Variants in WWC2 observed in about 807,000 individuals in gnomAD.
WWC2 encodes WW and C2 domain containing 2, also known as protein WWC2.
Under a neutral mutation model 138.5 loss-of-function variants are expected in WWC2, and 101 were observed. The observed-to-expected ratio is 0.73, with a 90% CI of 0.62 to 0.86. The LOEUF (loss-of-function observed/expected upper bound fraction) is 0.86. WWC2 is among the 40% of genes least tolerant of loss of function. The pLI is 0.00. For synonymous variants in WWC2, 558 were observed against 538.4 expected, an observed-to-expected ratio of 1.04 and a Z score of -0.50; for missense variants, 1,420 against 1,419.4, an observed-to-expected ratio of 1.00 and a Z score of -0.01.
intron 21 of WWC2, among the ~76,000 whole-genome samples, chr4:183,296,074 T>C (rs940073859): frequency 6.6e-6 from 1 of 152,208 alleles, no homozygotes; most frequent in African/African-American, 2.4e-5. Context: ...CTGGCTAACA[T>C]ACCTGACGGG....
intron 1 of WWC2, among the ~76,000 whole-genome samples, chr4:183,115,174 T>G (rs1732373864): frequency 6.6e-6 from 1 of 152,220 alleles, no homozygotes; most frequent in Non-Finnish European, 1.5e-5. Flanking sequence ...GGCCTACAGT[T>G]CCATCCATGT....
intron 1 of WWC2, among the ~76,000 whole-genome samples, chr4:183,115,607 C>G (rs1409944109): frequency 6.6e-6 from 1 of 152,144 alleles, no homozygotes; most frequent in African/African-American, 2.4e-5. Context: ...TTGCATTTCT[C>G]TAATGATCAG....
In WWC2 at chr4:183,316,001, G is replaced by T; in HGVS notation, c.*272G>T. The T allele has an allele frequency of 3.2e-6, 1 of 307,806 alleles. No homozygotes were observed. Among genetic ancestry groups the T allele is most frequent in the East Asian group, 7.3e-5 (1 of 13,628 alleles). The allele number at this position is 307,806 out of a possible 1,614,324, so 19.1% of individuals were successfully genotyped here. On this transcript the variant is annotated 3_prime_UTR_variant, in exon 23 of 23. Transcript: ENST00000403733. ...TGCCCAGTATGTGCGCATTGCCAGT[G>T]GACTTCATTTTGTAAAAATGGAATA...
At position 183,260,857 on chromosome 4, in the gene WWC2, T is replaced by C. The variant is rs1158623352; in HGVS notation, c.1287-53T>C. ...CTGAAGGAGCCAGTAGAGATTGTGA[T>C]TAGGTTTTCCATTTTGTAACAGATT... On this transcript the variant is annotated intron_variant, in intron 10 of 22. Coordinates refer to ENST00000403733, the MANE Select transcript of WWC2 (RefSeq NM_024949.6). 4 of 1,588,544 alleles carry C rather than the reference T, an allele frequency of 2.5e-6. No individual in the cohort carries two copies. The African/African-American group carries it at 4.0e-5, about 16-fold the overall frequency.
intron 4 of WWC2, among the ~76,000 whole-genome samples, chr4:183,210,577 T>TA (rs1403206531): frequency 1.3e-5 from 2 of 152,264 alleles, no homozygotes; most frequent in African/African-American, 4.8e-5. Flanking sequence ...ACAATTTATT[T>TA]AAAAAAATAC....
chr4:183,126,509 T>G (rs953353913), intron 1 of WWC2, among the ~76,000 whole-genome samples: 3 of 152,150 alleles, frequency 2.0e-5, no homozygotes, highest in Admixed American at 6.5e-5. Flanking sequence ...CTGTTGTCAT[T>G]TTTGTGGCAA....
At chr4:183,121,204 CAAA>C (rs796207947) in intron 1 of WWC2, among the ~76,000 whole-genome samples, 6 of 113,312 alleles carry the variant, frequency 5.3e-5, no homozygotes, top group East Asian at 4.9e-4. Flanking sequence ...GACATTATCT[CAAA>C]AAAAAAAAAA....
chr4:183,210,716 A>G (rs917468055), intron 4 of WWC2, among the ~76,000 whole-genome samples: 1 of 152,218 alleles, frequency 6.6e-6, no homozygotes, highest in Non-Finnish European at 1.5e-5. Context: ...CACCTCAGCT[A>G]TATGGGATAG....
chr4:183,127,449 A>G (rs952552664), intron 1 of WWC2, among the ~76,000 whole-genome samples: 4 of 152,214 alleles, frequency 2.6e-5, no homozygotes, highest in African/African-American at 7.2e-5. Flanking sequence ...TCAAATATAT[A>G]TATGGAGAAT....
intron 1 of WWC2, among the ~76,000 whole-genome samples, chr4:183,184,892 G>T (rs1580026535): frequency 6.6e-6 from 1 of 151,908 alleles, no homozygotes; most frequent in Admixed American, 6.5e-5. Context: ...CAAATAGGAG[G>T]ACTGTTAAGC....
intron 1 of WWC2, among the ~76,000 whole-genome samples, chr4:183,141,242 G>T (rs531936852): frequency 6.6e-6 from 1 of 152,152 alleles, no homozygotes; most frequent in Non-Finnish European, 1.5e-5. Flanking sequence ...TTGGGTGAAG[G>T]CTCTCTTCCT....
In WWC2 at chr4:183,261,186, A is replaced by G. The variant is rs1440977503; in HGVS notation, c.1563A>G (p.Gly521=). 1.2e-6 allele frequency: 2 copies of G among 1,613,498 alleles called. No homozygotes were observed. Among genetic ancestry groups the G allele is most frequent in the South Asian group, 1.1e-5 (1 of 90,978 alleles). ...CCCCTAGCCAGCCTGGCCAGAGTGG[A>G]CTCTGTGGAGTGGCAGCTGCAGCAA... is the stretch of plus-strand genomic sequence containing the variant. ...VKSPSQPGQS[G]LCGVAAAATG... is the part of the protein sequence containing the mutation. The change falls in exon 11 of 23, where the codon GGA becomes GGG. Residue 521 remains glycine, a synonymous_variant. Transcript: ENST00000403733.
intron 1 of WWC2, among the ~76,000 whole-genome samples, chr4:183,157,233 A>G (rs772775698): frequency 4.6e-5 from 7 of 152,176 alleles, no homozygotes; most frequent in Admixed American, 6.5e-5. Context: ...AACACAGATC[A>G]CTTAATTGGG....
At chr4:183,132,927 T>C (rs1432024388) in intron 1 of WWC2, among the ~76,000 whole-genome samples, 1 of 152,104 alleles carries the variant, frequency 6.6e-6, no homozygotes, top group African/African-American at 2.4e-5. Flanking sequence ...ATTTGACTTA[T>C]CAATACTTTA....
chr4:183,221,223 T>C (rs1033649601), intron 4 of WWC2, among the ~76,000 whole-genome samples: 1 of 152,222 alleles, frequency 6.6e-6, no homozygotes, highest in Non-Finnish European at 1.5e-5. Context: ...TAATCATAAA[T>C]AGATCAGTTC....
At chr4:183,176,643 G>A (rs1734476205) in intron 1 of WWC2, among the ~76,000 whole-genome samples, 2 of 152,128 alleles carry the variant, frequency 1.3e-5, no homozygotes, top group African/African-American at 4.8e-5. Context: ...GGCTGGTCTC[G>A]AACTCCTGAC....
At chr4:183,100,183 C>T (rs1401029779) in intron 1 of WWC2, among the ~76,000 whole-genome samples, 1 of 152,246 alleles carries the variant, frequency 6.6e-6, no homozygotes, top group Non-Finnish European at 1.5e-5. Flanking sequence ...GACTTTGCCC[C>T]TCAGAGTTTA....
chr4:183,236,726 A>G (rs1008014582), intron 4 of WWC2, among the ~76,000 whole-genome samples: 1 of 152,106 alleles, frequency 6.6e-6, no homozygotes, highest in Non-Finnish European at 1.5e-5. Flanking sequence ...CAGTTTTGCT[A>G]TTTTTGCTCA....
Position 183,248,861 on chromosome 4 carries a change from G to T in WWC2, c.879+1G>T, listed in dbSNP as rs752904297. On this transcript the variant is annotated splice_donor_variant, in intron 7 of 22. Transcript: ENST00000403733. LOFTEE classifies it high-confidence loss of function. ...GTCACAAACAAGCATTTCCGGAGAT[G>T]TAAGTTATCTGTGCTGAAGAGTTGG... 1 of 1,591,938 alleles carries T rather than the reference G, an allele frequency of 6.3e-7. No individual in the cohort carries two copies. The highest frequency in any genetic ancestry group is 2.3e-5 in the East Asian group (1 of 44,434).
Sources: allele counts gnomAD v4.1 joint callset (sites outside exome capture counted in the v4.1 genomes callset), GRCh38; gene constraint gnomAD v4.1.1; transcripts MANE v1.5; gene names NCBI Gene and HGNC (gene_info 2026-07-23, HGNC 2026-07-21).